Variants in BOC observed in about 807,000 individuals in gnomAD.
The protein encoded by BOC is BOC cell adhesion associated, oncogene regulated, also known as brother of CDO.
Under a neutral mutation model 112.0 loss-of-function variants are expected in BOC, and 76 were observed. That is an observed-to-expected ratio of 0.68 (90% CI 0.56 to 0.82). The LOEUF (loss-of-function observed/expected upper bound fraction) is 0.82. Ranked by LOEUF, BOC falls within the 40% of genes least tolerant of loss-of-function variation. BOC has a pLI of 0.00. For missense variants in BOC, 1,309 were observed against 1,511.7 expected, an observed-to-expected ratio of 0.87 and a Z score of 2.22; for synonymous variants, 580 against 599.8, an observed-to-expected ratio of 0.97 and a Z score of 0.48.
intron 2 of BOC, among the ~76,000 whole-genome samples, chr3:113,222,591 C>T (rs1476472297): frequency 1.3e-5 from 2 of 152,136 alleles, no homozygotes; most frequent in Admixed American, 1.3e-4. Context: ...TGCTCCGTGT[C>T]GGGGGATGTA....
At chr3:113,282,989 C>T (rs1299330566) in intron 15 of BOC, among the ~76,000 whole-genome samples, 14 of 152,186 alleles carry the variant, frequency 9.2e-5, no homozygotes, top group Non-Finnish European at 2.1e-4. Context: ...ATACCTAGTG[C>T]TTCACGTCTC....
intron 2 of BOC, among the ~76,000 whole-genome samples, chr3:113,218,703 T>C (rs1409878817): frequency 6.6e-6 from 1 of 152,234 alleles, no homozygotes; most frequent in Non-Finnish European, 1.5e-5. Context: ...TCTGAAATAA[T>C]CACCTGCAAC....
intron 2 of BOC, among the ~76,000 whole-genome samples, chr3:113,228,122 G>A (rs898300556): frequency 2.0e-5 from 3 of 152,132 alleles, no homozygotes; most frequent in African/African-American, 7.2e-5. Flanking sequence ...TTTTACCTTT[G>A]GATTCCCAGA....
intron 2 of BOC, among the ~76,000 whole-genome samples, chr3:113,231,737 G>T (rs1017753655): frequency 2.0e-5 from 3 of 152,112 alleles, no homozygotes; most frequent in Non-Finnish European, 4.4e-5. Context: ...ATATCTGGTA[G>T]GTTTTTAGAA....
chr3:113,219,583 C>T (rs565172731), intron 2 of BOC, among the ~76,000 whole-genome samples: 6 of 152,318 alleles, frequency 3.9e-5, no homozygotes, highest in African/African-American at 1.2e-4. Context: ...GAAAAAGAAA[C>T]GAAGCAAGCT....
intron 7 of BOC, 33 bp downstream of exon 7, chr3:113,272,736 G>C (rs544381310): frequency 6.2e-7 from 1 of 1,606,804 alleles, no homozygotes; most frequent in South Asian, 1.1e-5. Context: ...CTTCTGCTTG[G>C]CCTTCTCTCT....
In BOC at chr3:113,273,106, C is replaced by T. The variant is rs780922303; in HGVS notation, c.999C>T (p.Val333=). ...TCACCATGGAGCTATCCCAGCTGGT[C>T]ATCCCCTGGGGCCAGAGTGCCAAGC... ...PEVTMELSQL[V]IPWGQSAKLT... is the part of the protein sequence containing the mutation. The change falls in exon 8 of 20, where the codon GTC becomes GTT. Residue 333 remains valine, a synonymous_variant. Transcript: ENST00000682979. 3.1e-6 allele frequency: 5 copies of T among 1,609,752 alleles called. No homozygotes were observed. Among genetic ancestry groups the T allele is most frequent in the Non-Finnish European group, 3.4e-6 (4 of 1,176,508 alleles).
chr3:113,256,128 A>G (rs561341918), intron 4 of BOC, among the ~76,000 whole-genome samples: 1 of 152,278 alleles, frequency 6.6e-6, no homozygotes, highest in South Asian at 2.1e-4. Flanking sequence ...TTGTTCGCCC[A>G]TGTGGTTGTC....
intron 2 of BOC, among the ~76,000 whole-genome samples, chr3:113,223,657 C>G (rs1456439973): frequency 6.6e-6 from 1 of 152,174 alleles, no homozygotes; most frequent in Non-Finnish European, 1.5e-5. Context: ...ACTATTGTCT[C>G]TCTAGTTTTG....
chr3:113,260,168 C>T (rs1478038142), intron 4 of BOC, among the ~76,000 whole-genome samples: 9 of 152,092 alleles, frequency 5.9e-5, no homozygotes, highest in Non-Finnish European at 8.8e-5. Flanking sequence ...CACCATAGGC[C>T]TTCTGTGAAT....
At chr3:113,275,980 A>C (rs1948626422) in intron 9 of BOC, among the ~76,000 whole-genome samples, 1 of 152,198 alleles carries the variant, frequency 6.6e-6, no homozygotes, top group Admixed American at 6.5e-5. Flanking sequence ...GTTTCTCATT[A>C]GCCCTCCACC....
chr3:113,274,723 C>A lies in BOC; in HGVS notation c.1542+41C>A. 1.3e-6 allele frequency: 2 copies of A among 1,537,326 alleles called. No individual in the cohort carries two copies. The highest frequency in any genetic ancestry group is 1.8e-6 in the Non-Finnish European group (2 of 1,134,960). ...GGGGCTGCTGCCTCCCCTGCACAGCCTTTCCAGCAAGGCTGAGCAGAGTCA... is the reference window on the plus strand; with the variant it reads ...GGGGCTGCTGCCTCCCCTGCACAGCATTTCCAGCAAGGCTGAGCAGAGTCA... On this transcript the variant is annotated intron_variant, in intron 9 of 19. Coordinates refer to ENST00000682979, the MANE Select transcript of BOC (RefSeq NM_001378074.1). The surrounding 1 kb of genome is among the most constrained non-coding windows in gnomAD (Gnocchi z 4.8).
intron 6 of BOC, 111 bp downstream of exon 6, chr3:113,271,055 T>G: frequency 1.3e-6 from 2 of 1,509,336 alleles, no homozygotes. Context: ...TCCAGTTCTG[T>G]GTGCACTGGC....
intron 19 of BOC, 130 bp downstream of exon 19, chr3:113,285,695 A>G: frequency 1.1e-6 from 1 of 944,128 alleles, no homozygotes; most frequent in East Asian, 2.9e-5. Flanking sequence ...TTTATGTGGG[A>G]GGGATGGGGC....
chr3:113,257,180 T>C (rs921049311), intron 4 of BOC, among the ~76,000 whole-genome samples: 3 of 152,220 alleles, frequency 2.0e-5, no homozygotes, highest in African/African-American at 7.2e-5. Flanking sequence ...GCTCCCAGAA[T>C]CATTAATGGC....
At position 113,272,635 on chromosome 3, in the gene BOC, G is replaced by T; in HGVS notation, c.893G>T (p.Arg298Leu). 1 of 1,613,930 alleles carries T rather than the reference G, an allele frequency of 6.2e-7. No homozygotes were observed. Among genetic ancestry groups the T allele is most frequent in the Non-Finnish European group, 8.5e-7 (1 of 1,179,992 alleles). ...TTSEEDSGTY[R>L]CMADNGVGQP... is the part of the protein sequence containing the mutation. ...AGCGAGGAGGACTCAGGCACCTACC[G>T]CTGCATGGCCGACAATGGGGTTGGG... is the stretch of plus-strand genomic sequence containing the variant. Residue 298 changes from arginine to leucine, a missense_variant, in exon 7 of 20, where the codon CGC becomes CTC. Transcript: ENST00000682979.
At chr3:113,277,362 T>G (rs939796793) in intron 9 of BOC, among the ~76,000 whole-genome samples, 1 of 152,208 alleles carries the variant, frequency 6.6e-6, no homozygotes, top group African/African-American at 2.4e-5. Context: ...GTTAGGGGAC[T>G]TGCTCTGAGT....
rs1358896071 is a variant in BOC at position 113,250,378 on chromosome 3, A to G, written c.98-177A>G. Among the ~76,000 whole-genome samples, 3 of 152,216 alleles carry G rather than the reference A, an allele frequency of 2.0e-5. No individual in the cohort carries two copies. In the East Asian group the frequency reaches 5.8e-4, roughly 29 times the overall value. ...CCTTTACAATACATTCTCACTCCAC[A>G]TCTACTCTCTGGGAACAAAGGCAGG... On this transcript the variant is annotated intron_variant, in intron 3 of 19. Coordinates refer to ENST00000682979, the MANE Select transcript of BOC (RefSeq NM_001378074.1).
At chr3:113,279,023 C>CT (rs1948932143) in intron 11 of BOC, among the ~76,000 whole-genome samples, 1 of 152,186 alleles carries the variant, frequency 6.6e-6, no homozygotes, top group African/African-American at 2.4e-5. Flanking sequence ...GTCCTTGGGC[C>CT]TCCACACTCT....
Sources: gnomAD v4.1 joint callset for allele counts (sites outside exome capture counted in the v4.1 genomes callset) on GRCh38, gnomAD v4.1.1 for gene constraint, Gnocchi (gnomAD v3.1) non-coding constraint, MANE v1.5 for transcripts, NCBI Gene and HGNC (gene_info 2026-07-23, HGNC 2026-07-21) for gene names.